TUSC3: variants seen among roughly 807,000 people sequenced by gnomAD.
TUSC3 encodes the protein dolichyl-diphosphooligosaccharide--protein glycosyltransferase subunit TUSC3.
In TUSC3, 45 loss-of-function variants were observed where a neutral mutation model predicts 44.8. The ratio of observed to expected loss-of-function variants is 1.00; its 90% confidence interval spans 0.79 to 1.29. The LOEUF is 1.29. Ranked by LOEUF, TUSC3 falls within the 50% of genes most tolerant of loss-of-function variation. The probability of loss-of-function intolerance (pLI) is 0.00; values close to 1 mark genes in which losing one functional copy is unlikely to be tolerated. For synonymous variants in TUSC3, 212 were observed against 152.9 expected (o/e 1.39, Z -2.85); for missense variants, 519 against 437.9 (o/e 1.19, Z -1.65).
In TUSC3 at chr8:15,428,547, C is replaced by T. The variant is rs180845250; in HGVS notation, n.91+11242C>T. On this transcript the variant is annotated intron_variant and non_coding_transcript_variant, in intron 1 of 5. Transcript: ENST00000503191. ...CTAGATCCCTGAGGAATCGCCACACCGACTTCCACAATGGCTGAACTAGTT... is the reference window on the plus strand; with the variant it reads ...CTAGATCCCTGAGGAATCGCCACACTGACTTCCACAATGGCTGAACTAGTT... 8.7e-3 allele frequency among the ~76,000 whole-genome samples: 1,322 copies of T among 152,132 alleles called. 17 individuals carry two copies. Among genetic ancestry groups the T allele is most frequent in the African/African-American group, 0.025 (1,027 of 41,532 alleles).
At chr8:15,555,972 T>A (rs1432228629) in intron 1 of TUSC3, among the ~76,000 whole-genome samples, 1 of 151,412 alleles carries the variant, frequency 6.6e-6, no homozygotes, top group Non-Finnish European at 1.5e-5. Context: ...AAAATAGAGG[T>A]AAAAATCAAT....
At chr8:15,606,131 C>T (rs1490274289) in intron 1 of TUSC3, among the ~76,000 whole-genome samples, 1 of 151,992 alleles carries the variant, frequency 6.6e-6, no homozygotes, top group East Asian at 1.9e-4. Flanking sequence ...CAAGCCATGA[C>T]ATTACAAGAA....
At chr8:15,757,265 C>T (rs765765195) in intron 9 of TUSC3, among the ~76,000 whole-genome samples, 7 of 152,006 alleles carry the variant, frequency 4.6e-5, no homozygotes, top group African/African-American at 1.2e-4. Context: ...TGTCTTAAAA[C>T]GAAACTGATA....
chr8:15,640,106 T>C (rs1057162487), intron 2 of TUSC3, among the ~76,000 whole-genome samples: 7 of 152,206 alleles, frequency 4.6e-5, no homozygotes, highest in Non-Finnish European at 8.8e-5. Flanking sequence ...GTCCCTGAAC[T>C]GTTTACAAAC....
At chr8:15,589,723 A>T (rs781533327) in intron 1 of TUSC3, among the ~76,000 whole-genome samples, 2 of 152,130 alleles carry the variant, frequency 1.3e-5, no homozygotes, top group African/African-American at 4.8e-5. Flanking sequence ...TTTTTTGTAC[A>T]TCATTTATAA....
chr8:15,472,288 T>C (rs896872093), intron 1 of TUSC3, among the ~76,000 whole-genome samples: 4 of 152,166 alleles, frequency 2.6e-5, no homozygotes, highest in African/African-American at 9.7e-5. Context: ...TTTAAAAGCC[T>C]GAGAGATTCT....
intron 6 of TUSC3, among the ~76,000 whole-genome samples, chr8:15,684,952 G>A (rs966475289): frequency 1.3e-5 from 2 of 152,152 alleles, no homozygotes; most frequent in Non-Finnish European, 2.9e-5. Context: ...GAGGGGCCAC[G>A]GGGTTACATG....
downstream of TUSC3, among the ~76,000 whole-genome samples, chr8:15,769,507 A>G (rs1812404099): frequency 6.6e-6 from 1 of 152,210 alleles, no homozygotes; most frequent in African/African-American, 2.4e-5. Flanking sequence ...ACCATTCAGG[A>G]CACAGGCATG....
chr8:15,690,010 T>C (rs1015947100), intron 6 of TUSC3, among the ~76,000 whole-genome samples: 1 of 152,086 alleles, frequency 6.6e-6, no homozygotes, highest in Non-Finnish European at 1.5e-5. Context: ...ACAATTTATA[T>C]TTTTTGGGGT....
intron 6 of TUSC3, among the ~76,000 whole-genome samples, chr8:15,710,462 A>G (rs2129199372): frequency 6.6e-6 from 1 of 151,946 alleles, no homozygotes; most frequent in Admixed American, 6.6e-5. Context: ...CCTTCATTCT[A>G]CAGTGAGTAA....
At chr8:15,452,792 A>G (rs1186708493) in intron 1 of TUSC3, among the ~76,000 whole-genome samples, 1 of 152,184 alleles carries the variant, frequency 6.6e-6, no homozygotes, top group East Asian at 1.9e-4. Flanking sequence ...CTGCAGCCCA[A>G]GAACCATCCT....
At chr8:15,660,370 A>G (rs192210035) in intron 4 of TUSC3, among the ~76,000 whole-genome samples, 1 of 152,170 alleles carries the variant, frequency 6.6e-6, no homozygotes, top group African/African-American at 2.4e-5. Context: ...AATTAATAGT[A>G]TGATCTATTA....
intron 1 of TUSC3, among the ~76,000 whole-genome samples, chr8:15,548,358 C>T (rs1801944827): frequency 6.6e-6 from 1 of 151,770 alleles, no homozygotes; most frequent in African/African-American, 2.4e-5. Context: ...ATTTCAGCAT[C>T]TTGCAAATTA....
chr8:15,808,216 A>G, the TUSC3 span, among the ~76,000 whole-genome samples: 3 of 152,154 alleles, frequency 2.0e-5, no homozygotes, highest in South Asian at 4.1e-4. Flanking sequence ...TTCACCTGGT[A>G]TAATGTGTTC....
intron 1 of TUSC3, among the ~76,000 whole-genome samples, chr8:15,545,023 C>T (rs192884421): frequency 3.3e-5 from 5 of 151,768 alleles, no homozygotes; most frequent in South Asian, 2.1e-4. Context: ...TTACATGTTA[C>T]ATACGTATTA....
chr8:15,701,171 A>T (rs1408821848), intron 6 of TUSC3, among the ~76,000 whole-genome samples: 1 of 152,132 alleles, frequency 6.6e-6, no homozygotes, highest in Non-Finnish European at 1.5e-5. Context: ...TTAAATGCCT[A>T]TTTTAATAAG....
At chr8:15,615,557 G>A (rs1478064800) in intron 1 of TUSC3, among the ~76,000 whole-genome samples, 3 of 152,136 alleles carry the variant, frequency 2.0e-5, no homozygotes, top group Non-Finnish European at 4.4e-5. Flanking sequence ...TATAAGCAGT[G>A]TAGGGTGAAT....
intron 2 of TUSC3, among the ~76,000 whole-genome samples, chr8:15,648,453 G>A (rs1274114134): frequency 2.6e-5 from 4 of 152,058 alleles, no homozygotes; most frequent in Admixed American, 6.5e-5. Flanking sequence ...TTGGCTGGGC[G>A]CAGTGGCTCA....
At chr8:15,647,840 C>T (rs1209522317) in intron 2 of TUSC3, among the ~76,000 whole-genome samples, 7 of 152,026 alleles carry the variant, frequency 4.6e-5, no homozygotes, top group Non-Finnish European at 8.8e-5. Context: ...TTCTATTTGT[C>T]GGTATCTAGT....
Sources: gnomAD v4.1 joint callset for allele counts (sites outside exome capture counted in the v4.1 genomes callset) on GRCh38, gnomAD v4.1.1 for gene constraint, MANE v1.5 for transcripts, NCBI Gene and HGNC (gene_info 2026-07-23, HGNC 2026-07-21) for gene names.